Variants in RBM47 observed in about 807,000 individuals in gnomAD.
The protein encoded by RBM47 is RNA-binding protein 47.
Under a neutral mutation model 47.1 loss-of-function variants are expected in RBM47, and 21 were observed. The observed-to-expected ratio is 0.45, with a 90% CI of 0.32 to 0.64. The LOEUF is 0.64. RBM47 is among the 30% of genes least tolerant of loss of function. The pLI, the probability that RBM47 is intolerant of heterozygous loss-of-function variation, is 0.05. For synonymous variants in RBM47, 375 were observed against 361.7 expected (o/e 1.04, Z -0.42); for missense variants, 708 against 870.9 (o/e 0.81, Z 2.35).
At chr4:40,517,744 G>A (rs980453884) in intron 2 of RBM47, among the ~76,000 whole-genome samples, 2 of 152,078 alleles carry the variant, frequency 1.3e-5, no homozygotes, top group African/African-American at 2.4e-5. Context: ...TGAAAAGGAC[G>A]GCTGTGTCTG....
At chr4:40,607,367 G>A (rs760937940) in intron 1 of RBM47, among the ~76,000 whole-genome samples, 1 of 152,186 alleles carries the variant, frequency 6.6e-6, no homozygotes, top group South Asian at 2.1e-4. Flanking sequence ...GAAATGAGAA[G>A]TGATTGCTTA....
At chr4:40,563,152 C>T (rs1730792048) in intron 1 of RBM47, among the ~76,000 whole-genome samples, 1 of 152,158 alleles carries the variant, frequency 6.6e-6, no homozygotes, top group Non-Finnish European at 1.5e-5. Context: ...GATGGCGCCA[C>T]TGCACTCCAG....
intron 4 of RBM47, 112 bp downstream of exon 4, chr4:40,437,659 G>A: frequency 2.7e-6 from 3 of 1,127,682 alleles, no homozygotes; most frequent in Non-Finnish European, 3.8e-6. Flanking sequence ...GGGGGTGGGA[G>A]GGCCTTCAGC....
rs1213688163 is a variant in RBM47, at chr4:40,432,759, G to A, written c.1434C>T (p.Ser478=). 4 of 1,613,300 alleles carry A rather than the reference G, an allele frequency of 2.5e-6. No individual in the cohort carries two copies. Among genetic ancestry groups the A allele is most frequent in the East Asian group, 2.2e-5 (1 of 44,868 alleles). The change falls in exon 6 of 7, where the codon AGC becomes AGT. Residue 478 remains serine, a synonymous_variant. Coordinates refer to ENST00000295971, the MANE Select transcript of RBM47 (RefSeq NM_001098634.2). ...GKIHTVEHMI[S]PIAVQPDPAS... ...CTGGGTCTGGCTGCACAGCAATGGG[G>A]CTGATCATGTGCTCCACTGTGTGGA...
chr4:40,580,917 G>C (rs1471615628), intron 1 of RBM47, among the ~76,000 whole-genome samples: 1 of 152,240 alleles, frequency 6.6e-6, no homozygotes, highest in African/African-American at 2.4e-5. Flanking sequence ...AAGGATCTAG[G>C]GAAAGAGCAA....
chr4:40,585,574 C>A (rs1326273903), intron 1 of RBM47, among the ~76,000 whole-genome samples: 2 of 152,182 alleles, frequency 1.3e-5, no homozygotes, highest in African/African-American at 4.8e-5. Context: ...CCTTGATTAG[C>A]CAGAGTAACC....
At chr4:40,433,199 G>A (rs1029673914) in intron 5 of RBM47, among the ~76,000 whole-genome samples, 4 of 152,118 alleles carry the variant, frequency 2.6e-5, no homozygotes, top group Non-Finnish European at 5.9e-5. Context: ...GAGCTCAAGC[G>A]ATCCAACTGC....
rs1300073939 is a variant in RBM47, at chr4:40,423,684, C to CT, written c.*2219dup. 1 of 101,772 alleles carries CT rather than the reference C, an allele frequency of 9.8e-6. No individual in the cohort carries two copies. Among genetic ancestry groups the CT allele is most frequent in the African/African-American group, 5.4e-5 (1 of 18,598 alleles). 6.3% of individuals were successfully genotyped at this position (101,772 alleles called of 1,614,324 possible). Reference sequence around the variant, plus strand: ...TCTTTCTTTCTTTCTTTCTTTCTTTCTTTCTTTCTTTCTTTCTTTCTTTCT... The same window carrying CT: ...TCTTTCTTTCTTTCTTTCTTTCTTTCTTTTCTTTCTTTCTTTCTTTCTTTCT... On this transcript the variant is annotated 3_prime_UTR_variant, in exon 7 of 7. Coordinates refer to ENST00000295971, the MANE Select transcript of RBM47 (RefSeq NM_001098634.2).
At chr4:40,589,454 G>T (rs1230401621) in intron 1 of RBM47, among the ~76,000 whole-genome samples, 1 of 151,462 alleles carries the variant, frequency 6.6e-6, no homozygotes, top group East Asian at 1.9e-4. Context: ...ATGGAGTCTC[G>T]CTCTGTCTCC....
rs373142439 is a variant in RBM47 at position 40,585,900 on chromosome 4, A to G, written c.-239-41394T>C. On this transcript the variant is annotated intron_variant, in intron 1 of 6. Transcript: ENST00000295971. ...GATGAATTAACACATTCTAGGGAAC[A>G]GAGCAGAGTGGGCATTCTGTGGAAG... 6.3e-4 allele frequency among the ~76,000 whole-genome samples: 96 copies of G among 152,368 alleles called. 1 individual carries two copies. The highest frequency in any genetic ancestry group is 2.2e-3 in the African/African-American group (93 of 41,592).
chr4:40,503,862 G>A (rs995386121), intron 2 of RBM47, among the ~76,000 whole-genome samples: 4 of 151,772 alleles, frequency 2.6e-5, no homozygotes, highest in Non-Finnish European at 4.4e-5. Flanking sequence ...AAGAGGACAC[G>A]GAAATAAGCA....
intron 4 of RBM47, 175 bp from the exon 5 acceptor site, chr4:40,436,822 G>T: frequency 1.4e-6 from 1 of 716,856 alleles, no homozygotes; most frequent in Non-Finnish European, 2.5e-6. Context: ...GCCTAGATTT[G>T]CATCCTAAGC....
At chr4:40,630,730 C>T (rs1262467057), upstream of RBM47, 2 of 152,238 alleles carry the variant, frequency 1.3e-5, no homozygotes. Context: ...ATCCCAATTC[C>T]CAAGAAACCC....
chr4:40,627,267 C>T (rs1352135867), intron 1 of RBM47, among the ~76,000 whole-genome samples: 3 of 131,126 alleles, frequency 2.3e-5, no homozygotes, highest in Non-Finnish European at 4.7e-5. Context: ...CAAATTCTAC[C>T]TTTATTCTAA....
intron 1 of RBM47, among the ~76,000 whole-genome samples, chr4:40,586,690 C>T (rs1368790647): frequency 2.0e-5 from 3 of 151,006 alleles, no homozygotes; most frequent in Middle Eastern, 3.4e-3. Context: ...AATTGATGAG[C>T]GCTGGCCAAC....
chr4:40,466,102 T>C (rs1717969204), intron 3 of RBM47, among the ~76,000 whole-genome samples: 1 of 151,726 alleles, frequency 6.6e-6, no homozygotes, highest in African/African-American at 2.4e-5. Context: ...ACCTTGTCTC[T>C]AATAAAAATA....
intron 2 of RBM47, among the ~76,000 whole-genome samples, chr4:40,502,883 C>T (rs116588021): frequency 2.2e-4 from 33 of 148,638 alleles, no homozygotes; most frequent in African/African-American, 7.9e-4. Context: ...CTCATGCCTA[C>T]GATCCCAGCA....
intron 1 of RBM47, among the ~76,000 whole-genome samples, chr4:40,577,018 A>G (rs1314045700): frequency 2.0e-5 from 3 of 152,062 alleles, no homozygotes; most frequent in Admixed American, 1.3e-4. Flanking sequence ...AAGCCAGGAG[A>G]AAAAAAGGAG....
intron 6 of RBM47, among the ~76,000 whole-genome samples, chr4:40,427,962 A>T (rs758410998): frequency 6.6e-6 from 1 of 152,136 alleles, no homozygotes; most frequent in Non-Finnish European, 1.5e-5. Context: ...AGGTTGAGGT[A>T]GGAGGATGGC....
Sources: gnomAD v4.1 joint callset for allele counts (sites outside exome capture counted in the v4.1 genomes callset) on GRCh38, gnomAD v4.1.1 for gene constraint, MANE v1.5 for transcripts, NCBI Gene and HGNC (gene_info 2026-07-23, HGNC 2026-07-21) for gene names.